POLR2F: variants seen among roughly 807,000 people sequenced by gnomAD.
POLR2F encodes the protein RNA polymerase II, I and III subunit F.
In POLR2F, 12 loss-of-function variants were observed where a neutral mutation model predicts 22.7. The observed-to-expected ratio is 0.53, with a 90% CI of 0.34 to 0.86. POLR2F has a LOEUF of 0.86. Among genes scored for constraint, POLR2F ranks in the 40% least tolerant of loss-of-function variants. POLR2F has a pLI of 0.02. For synonymous variants in POLR2F, 57 were observed against 66.0 expected (o/e 0.86, Z 0.66); for missense variants, 126 against 171.5 (o/e 0.73, Z 1.48).
At chr22:37,972,674 T>C (rs761785881), downstream of POLR2F, 1 of 163,226 alleles carries the variant, frequency 6.1e-6, no homozygotes, top group South Asian at 1.5e-4. Context: ...GCAGGGGCCA[T>C]AGAGCCTAGT....
intron 5 of POLR2F, chr22:38,040,791 T>G: frequency 2.1e-6 from 1 of 486,528 alleles, no homozygotes; most frequent in Non-Finnish European, 3.7e-6. Flanking sequence ...GTGGGCATGT[T>G]GTGATGGTGA....
At chr22:37,975,071 C>T (rs1290560079) in intron 4 of POLR2F, among the ~76,000 whole-genome samples, 1 of 152,244 alleles carries the variant, frequency 6.6e-6, no homozygotes, top group Non-Finnish European at 1.5e-5. Context: ...GAGCTGCCTT[C>T]CTCCATGGGA....
intron 1 of POLR2F, among the ~76,000 whole-genome samples, chr22:38,005,625 C>T (rs771031253): frequency 1.1e-4 from 16 of 152,134 alleles, no homozygotes; most frequent in Non-Finnish European, 1.6e-4. Flanking sequence ...GGTGATAGAT[C>T]GGGTGTGCAG....
upstream of POLR2F, among the ~76,000 whole-genome samples, chr22:37,982,468 G>A (rs1932429618): frequency 6.6e-6 from 1 of 152,196 alleles, no homozygotes; most frequent in Admixed American, 6.5e-5. Context: ...AGTCGAGGGT[G>A]GGATAATTGC....
At chr22:38,003,136 A>G (rs1230993768) in intron 1 of POLR2F, among the ~76,000 whole-genome samples, 3 of 152,084 alleles carry the variant, frequency 2.0e-5, no homozygotes, top group Non-Finnish European at 4.4e-5. Flanking sequence ...GATACTTTGG[A>G]ATTAGGATGT....
intron 1 of POLR2F, among the ~76,000 whole-genome samples, chr22:38,022,649 A>T (rs184152920): frequency 4.6e-5 from 7 of 152,232 alleles, no homozygotes; most frequent in Non-Finnish European, 7.4e-5. Flanking sequence ...TTTCTAAGTT[A>T]TATACATGTT....
intron 5 of POLR2F, among the ~76,000 whole-genome samples, chr22:38,035,819 G>A (rs558305577): frequency 6.6e-5 from 10 of 152,268 alleles, no homozygotes; most frequent in South Asian, 2.1e-4. Context: ...GCAGCCTCAC[G>A]TCTCAGAGCC....
chr22:38,018,788 G>A (rs1466544952), intron 1 of POLR2F, among the ~76,000 whole-genome samples: 1 of 152,216 alleles, frequency 6.6e-6, no homozygotes, highest in African/African-American at 2.4e-5. Flanking sequence ...GGGGAGATGA[G>A]GCCAGATGCA....
chr22:37,969,070 G>A lies in POLR2F; in HGVS notation c.*1355G>A. The A allele has an allele frequency of 1.0e-6, 1 of 985,470 alleles. No homozygotes were observed. Among genetic ancestry groups the A allele is most frequent in the Non-Finnish European group, 1.2e-6 (1 of 829,984 alleles). 61.0% of individuals were successfully genotyped at this position (985,470 alleles called of 1,614,324 possible). The stretch of plus-strand genomic sequence containing the variant: ...TTTCTCGGCCCCATTTCTCTAAATG[G>A]TCTCTTTGTTCCCTGCTGGGCTGCT... On this transcript the variant is annotated 3_prime_UTR_variant, in exon 5 of 5. Transcript: ENST00000442738.
intron 1 of POLR2F, among the ~76,000 whole-genome samples, chr22:38,014,869 G>A (rs563190757): frequency 1.3e-4 from 19 of 145,424 alleles, no homozygotes; most frequent in Non-Finnish European, 9.0e-5. Flanking sequence ...GTGCAGTGGC[G>A]CGATCTTGGC....
chr22:37,992,906 C>G (rs1932752535), intron 1 of POLR2F, among the ~76,000 whole-genome samples: 1 of 152,194 alleles, frequency 6.6e-6, no homozygotes, highest in Non-Finnish European at 1.5e-5. Flanking sequence ...CATTTTGTTC[C>G]CAGGGTTCCT....
At chr22:37,991,573 T>A (rs1314084455) in intron 1 of POLR2F, among the ~76,000 whole-genome samples, 1 of 152,258 alleles carries the variant, frequency 6.6e-6, no homozygotes, top group Non-Finnish European at 1.5e-5. Context: ...TTTTACCACC[T>A]ATTAACATCT....
rs2085067674 is a variant in POLR2F, at chr22:38,031,702, C to T, written c.453-9366C>T. ...CCTGGTGACCTCCGAAGGTTGCTTC[C>T]AGCCTGAAAGTGCTGTGAGTCCATG... On this transcript the variant is annotated intron_variant, in intron 5 of 5. Transcript: ENST00000407936. The surrounding 1 kb of genome is among the most constrained non-coding windows in gnomAD (Gnocchi z 4.1). 1.3e-5 allele frequency among the ~76,000 whole-genome samples: 2 copies of T among 152,182 alleles called. No homozygotes were observed. Among genetic ancestry groups the T allele is most frequent in the South Asian group, 4.1e-4 (2 of 4,830 alleles).
chr22:37,982,203 G>T (rs1054524988), upstream of POLR2F, among the ~76,000 whole-genome samples: 1 of 152,224 alleles, frequency 6.6e-6, no homozygotes, highest in Non-Finnish European at 1.5e-5. Context: ...GTCAGGGGAA[G>T]TCCTCTGGAC....
intron 4 of POLR2F, 134 bp from the exon 5 acceptor site, chr22:37,967,491 A>G (rs1931902502): frequency 6.8e-6 from 10 of 1,470,316 alleles, no homozygotes; most frequent in Middle Eastern, 1.9e-4. Context: ...GCTTTCTTAC[A>G]AAGTACACTC....
At chr22:37,998,220 C>A (rs1436219227) in intron 1 of POLR2F, among the ~76,000 whole-genome samples, 1 of 152,202 alleles carries the variant, frequency 6.6e-6, no homozygotes, top group Non-Finnish European at 1.5e-5. Context: ...CTCAACGGAG[C>A]AATTTATCCT....
intron 1 of POLR2F, chr22:37,988,674 C>CA (rs980169315): frequency 3.2e-5 from 5 of 154,064 alleles, no homozygotes; most frequent in South Asian, 2.0e-4. Context: ...ACAACAACAA[C>CA]AAAAAAACAT....
chr22:37,967,804 C>A lies in POLR2F; in HGVS notation c.*89C>A. ...TAATAAAATATTCAACTTTCCAACC[C>A]CCTTCCCCTCTGCTTATCTGCAATG... On this transcript the variant is annotated 3_prime_UTR_variant, in exon 5 of 5. Transcript: ENST00000442738. 6.6e-7 allele frequency: 1 copy of A among 1,507,552 alleles called. No individual in the cohort carries two copies. The highest frequency in any genetic ancestry group is 1.3e-5 in the South Asian group (1 of 74,994). 93.4% of individuals were successfully genotyped at this position (1,507,552 alleles called of 1,614,324 possible).
At chr22:37,979,372 A>C (rs1239154152) in intron 4 of POLR2F, among the ~76,000 whole-genome samples, 1 of 152,198 alleles carries the variant, frequency 6.6e-6, no homozygotes, top group Non-Finnish European at 1.5e-5. Context: ...TGCTGAGATT[A>C]TAGGCATGAG....
Sources: allele counts gnomAD v4.1 joint callset (sites outside exome capture counted in the v4.1 genomes callset), GRCh38; gene constraint gnomAD v4.1.1; non-coding constraint Gnocchi (gnomAD v3.1); transcripts MANE v1.5; gene names NCBI Gene and HGNC (gene_info 2026-07-23, HGNC 2026-07-21).